Variants in THSD7B observed in about 807,000 individuals in gnomAD.
The protein encoded by THSD7B is thrombospondin type 1 domain containing 7B.
THSD7B carries 138 observed loss-of-function variants against 213.6 expected under a neutral mutation model. The observed-to-expected ratio is 0.65, with a 90% CI of 0.56 to 0.74. The LOEUF (loss-of-function observed/expected upper bound fraction) is 0.74, where lower values mean the gene tolerates loss of function less well. Ranked by LOEUF, THSD7B falls within the 30% of genes least tolerant of loss-of-function variation. The pLI, the probability that THSD7B is intolerant of heterozygous loss-of-function variation, is 0.00. For synonymous variants in THSD7B, 742 were observed against 687.0 expected (o/e 1.08, Z -1.25); for missense variants, 1,931 against 1,991.5 (o/e 0.97, Z 0.58).
At chr2:137,486,302 T>C (rs1188596661) in intron 15 of THSD7B, among the ~76,000 whole-genome samples, 4 of 148,956 alleles carry the variant, frequency 2.7e-5, no homozygotes, top group Non-Finnish European at 4.5e-5. Context: ...TGGAGGAAGA[T>C]CTACCAAGCA....
At chr2:137,256,539 G>A (rs1682314652) in intron 10 of THSD7B, among the ~76,000 whole-genome samples, 1 of 152,170 alleles carries the variant, frequency 6.6e-6, no homozygotes, top group Admixed American at 6.5e-5. Flanking sequence ...GGCTAATGAT[G>A]CTTGGGATAC....
At chr2:136,860,205 T>A (rs1180900846) in intron 1 of THSD7B, among the ~76,000 whole-genome samples, 3 of 151,834 alleles carry the variant, frequency 2.0e-5, no homozygotes, top group African/African-American at 7.3e-5. Flanking sequence ...GCCAGGGCAG[T>A]AGAATGAGAG....
rs1447408858 is a variant in THSD7B, at chr2:137,338,870, T to G, written c.2500+62844T>G. On this transcript the variant is annotated intron_variant, in intron 12 of 27. Transcript: ENST00000409968. ...CAAAGGACAGGAAATGTGACAAAGT[T>G]CGTGGCTGTGGAGGTTAATTGCTCT... is the stretch of plus-strand genomic sequence containing the variant. 3.3e-5 allele frequency among the ~76,000 whole-genome samples: 5 copies of G among 152,110 alleles called. No individual in the cohort carries two copies. In the East Asian group the frequency reaches 9.7e-4, roughly 29 times the overall value.
chr2:136,770,828 A>G (rs1251553998), intron 1 of THSD7B, among the ~76,000 whole-genome samples: 2 of 152,152 alleles, frequency 1.3e-5, no homozygotes, highest in South Asian at 2.1e-4. Context: ...ACACTTAAAT[A>G]TTGTTATCTT....
intron 12 of THSD7B, among the ~76,000 whole-genome samples, chr2:137,359,993 G>C (rs551298220): frequency 1.6e-4 from 25 of 152,312 alleles, no homozygotes; most frequent in African/African-American, 5.8e-4. Flanking sequence ...ATAAAAGTCA[G>C]CCTAAAACAA....
chr2:137,230,996 G>T, intron 7 of THSD7B, 48 bp from the exon 8 acceptor site: 1 of 1,565,678 alleles, frequency 6.4e-7, no homozygotes, highest in Non-Finnish European at 8.7e-7. Context: ...AAGCAGTGAG[G>T]CTTGATTGTG....
intron 12 of THSD7B, among the ~76,000 whole-genome samples, chr2:137,343,879 T>A (rs1364237756): frequency 1.3e-5 from 2 of 151,918 alleles, no homozygotes; most frequent in Non-Finnish European, 2.9e-5. Context: ...AAGCCCTTTG[T>A]GGACCAGAAA....
chr2:136,879,931 A>G (rs1683591729), intron 1 of THSD7B, among the ~76,000 whole-genome samples: 1 of 152,214 alleles, frequency 6.6e-6, no homozygotes, highest in South Asian at 2.1e-4. Flanking sequence ...CTAAATTTAT[A>G]TGCACCCAAT....
intron 3 of THSD7B, among the ~76,000 whole-genome samples, chr2:137,062,296 G>T (rs550954453): frequency 2.7e-4 from 41 of 150,864 alleles, no homozygotes; most frequent in South Asian, 1.5e-3. Context: ...TTTTGGTTTT[G>T]TTGATTTTTT....
intron 7 of THSD7B, among the ~76,000 whole-genome samples, chr2:137,223,702 C>G (rs1681428590): frequency 1.3e-5 from 2 of 152,154 alleles, no homozygotes; most frequent in Admixed American, 1.3e-4. Flanking sequence ...ACTGGACCCC[C>G]TCAATGTAAC....
chr2:137,170,719 A>C, intron 6 of THSD7B, 22 bp from the exon 7 acceptor site: 2 of 1,598,188 alleles, frequency 1.3e-6, no homozygotes, highest in Non-Finnish European at 1.7e-6. Flanking sequence ...TTCTCTGAAA[A>C]TTCTTTTCTC....
intron 14 of THSD7B, among the ~76,000 whole-genome samples, chr2:137,432,417 T>C (rs536711502): frequency 1.3e-5 from 2 of 152,132 alleles, no homozygotes; most frequent in South Asian, 4.1e-4. Context: ...AAATAAAAAA[T>C]AAAAATTGTC....
chr2:136,844,754 C>A (rs2104958496), intron 1 of THSD7B, among the ~76,000 whole-genome samples: 1 of 152,312 alleles, frequency 6.6e-6, no homozygotes, highest in East Asian at 1.9e-4. Context: ...GTCTTAGCTA[C>A]AGAGAGCTTG....
At chr2:137,654,120 G>C (rs914009170) in intron 21 of THSD7B, among the ~76,000 whole-genome samples, 16 of 151,722 alleles carry the variant, frequency 1.1e-4, no homozygotes, top group African/African-American at 3.9e-4. Context: ...TTTTTCTACT[G>C]CTAAGTTCTG....
chr2:136,767,484 G>C (rs546612358), intron 1 of THSD7B, among the ~76,000 whole-genome samples: 1 of 129,450 alleles, frequency 7.7e-6, no homozygotes, highest in African/African-American at 2.8e-5. Context: ...TGTGTGTTGT[G>C]TGTATTTGTG....
intron 12 of THSD7B, among the ~76,000 whole-genome samples, chr2:137,333,975 G>A (rs1220952289): frequency 2.6e-5 from 4 of 152,100 alleles, no homozygotes; most frequent in African/African-American, 7.2e-5. Context: ...CCAGAGAATA[G>A]ATATTTTTGG....
rs78673028 is a variant in THSD7B, at chr2:137,147,121, G to A, written c.1370-13092G>A. Among the ~76,000 whole-genome samples the A allele has an allele frequency of 1.6e-3, 238 of 152,254 alleles. 2 individuals are homozygous for A. Among genetic ancestry groups the A allele is most frequent in the African/African-American group, 5.2e-3 (217 of 41,548 alleles). ...CTGACTTGGGTCTATGTTAGGTTCT[G>A]TTGGTTTAGACAGGTTGGAAGCTAC... is the stretch of plus-strand genomic sequence containing the variant. On this transcript the variant is annotated intron_variant, in intron 5 of 27. Coordinates refer to ENST00000409968, the MANE Select transcript of THSD7B (RefSeq NM_001316349.2).
At chr2:137,318,786 C>T (rs985865803) in intron 12 of THSD7B, among the ~76,000 whole-genome samples, 177 of 73,612 alleles carry the variant, frequency 2.4e-3, no homozygotes, top group African/African-American at 3.2e-3. Context: ...GAATGCTTAT[C>T]TTTTTTTTTT....
intron 3 of THSD7B, among the ~76,000 whole-genome samples, chr2:137,063,867 G>A (rs1238093338): frequency 2.0e-5 from 3 of 152,002 alleles, no homozygotes; most frequent in Non-Finnish European, 4.4e-5. Flanking sequence ...TTTTATAGCT[G>A]ACTAGTACTC....
Sources: allele counts gnomAD v4.1 joint callset (sites outside exome capture counted in the v4.1 genomes callset), GRCh38; gene constraint gnomAD v4.1.1; transcripts MANE v1.5; gene names NCBI Gene and HGNC (gene_info 2026-07-23, HGNC 2026-07-21).